ERBIN: variants seen among roughly 807,000 people sequenced by gnomAD.
The protein encoded by ERBIN is erbb2 interacting protein.
A neutral mutation model predicts 158.4 loss-of-function variants in ERBIN; 60 were observed. That is an observed-to-expected ratio of 0.38 (90% CI 0.31 to 0.47). The LOEUF (loss-of-function observed/expected upper bound fraction) is 0.47, where lower values mean the gene tolerates loss of function less well. Ranked by LOEUF, ERBIN falls within the 20% of genes least tolerant of loss-of-function variation. The probability of loss-of-function intolerance (pLI) is 0.99; values close to 1 mark genes in which losing one functional copy is unlikely to be tolerated. For missense variants in ERBIN, 1,610 were observed against 1,648.0 expected, an observed-to-expected ratio of 0.98 and a Z score of 0.40; for synonymous variants, 594 against 557.2, an observed-to-expected ratio of 1.07 and a Z score of -0.93.
In ERBIN at chr5:66,076,868, G is replaced by A; in HGVS notation, c.4057-7G>A. 1 of 1,596,354 alleles carries A rather than the reference G, an allele frequency of 6.3e-7. No individual in the cohort carries two copies. Among genetic ancestry groups the A allele is most frequent in the Non-Finnish European group, 8.6e-7 (1 of 1,169,204 alleles). On this transcript the variant is annotated splice_region_variant and splice_polypyrimidine_tract_variant and intron_variant, in intron 24 of 25. Coordinates refer to ENST00000284037, the MANE Select transcript of ERBIN (RefSeq NM_001253697.2). ...TTTTAGTTAAATAATTTTTTTTGTT[G>A]TTAAAGGGTATATTTGTAACAAGGG...
intron 21 of ERBIN, among the ~76,000 whole-genome samples, chr5:66,059,837 C>T (rs536290553): frequency 2.8e-4 from 42 of 152,130 alleles, no homozygotes; most frequent in Admixed American, 7.9e-4. Flanking sequence ...TGCTGGATTA[C>T]GTTTATTGAT....
At position 66,021,403 on chromosome 5, in the gene ERBIN, TCA is replaced by T; in HGVS notation, c.597+20_597+21del. 4 of 1,528,252 alleles carry T rather than the reference TCA, an allele frequency of 2.6e-6. No individual in the cohort carries two copies. Among genetic ancestry groups the T allele is most frequent in the Non-Finnish European group, 3.6e-6 (4 of 1,116,908 alleles). The allele number at this position is 1,528,252 out of a possible 1,614,324, so 94.7% of individuals were successfully genotyped here. A position where few individuals can be genotyped will look rare whatever the true frequency, so the allele number is the denominator to read the frequency against. On this transcript the variant is annotated intron_variant, in intron 8 of 25. Transcript: ENST00000284037. The stretch of plus-strand genomic sequence containing the variant: ...CGGAAGTGGTAAGTTCTCATCAGTC[TCA>T]CTTTCCCTAAGTTCTTATATTTAAT...
intron 4 of ERBIN, among the ~76,000 whole-genome samples, chr5:66,005,661 G>T (rs1753507347): frequency 6.6e-6 from 1 of 152,178 alleles, no homozygotes. Flanking sequence ...CATCGTCTCA[G>T]CCCAAAATCT....
At chr5:65,959,666 G>C (rs1747696485) in intron 1 of ERBIN, among the ~76,000 whole-genome samples, 1 of 152,046 alleles carries the variant, frequency 6.6e-6, no homozygotes, top group Admixed American at 6.6e-5. Flanking sequence ...AATTCATCTG[G>C]TTCTCAAATC....
chr5:65,941,941 C>T (rs1237184199), intron 1 of ERBIN, among the ~76,000 whole-genome samples: 1 of 152,126 alleles, frequency 6.6e-6, no homozygotes, highest in Non-Finnish European at 1.5e-5. Context: ...GGGGTTTCAC[C>T]ATGTTAGCCA....
At chr5:66,055,025 T>C (rs1405092336) in intron 21 of ERBIN, 74 bp downstream of exon 21, 162 of 1,448,954 alleles carry the variant, frequency 1.1e-4, no homozygotes, top group Non-Finnish European at 1.3e-4. Flanking sequence ...GAAACAAGAT[T>C]CTCTGAATTA....
chr5:65,957,205 T>A (rs56303653), intron 1 of ERBIN, among the ~76,000 whole-genome samples: 1,708 of 151,454 alleles, frequency 0.011, 35 homozygotes, highest in African/African-American at 0.038. Flanking sequence ...ATTTTTTTTT[T>A]AAATTTTTAT....
chr5:65,988,081 AGC>A (rs541167406), intron 1 of ERBIN, among the ~76,000 whole-genome samples: 70 of 152,328 alleles, frequency 4.6e-4, no homozygotes, highest in African/African-American at 1.6e-3. Context: ...CTATAAAGAT[AGC>A]CATTTGGCTG....
chr5:65,995,973 A>T (rs946310645), intron 4 of ERBIN, among the ~76,000 whole-genome samples: 1 of 151,982 alleles, frequency 6.6e-6, no homozygotes, highest in South Asian at 2.1e-4. Context: ...TTTTCTTGTT[A>T]TTGAGGTTTT....
chr5:65,996,944 T>TA (rs1384451827), intron 4 of ERBIN, among the ~76,000 whole-genome samples: 1 of 152,200 alleles, frequency 6.6e-6, no homozygotes, highest in East Asian at 1.9e-4. Flanking sequence ...TGTTAATATG[T>TA]AAAAATGCTA....
intron 10 of ERBIN, 105 bp from the exon 11 acceptor site, chr5:66,025,375 A>G: frequency 2.4e-6 from 2 of 829,316 alleles, no homozygotes; most frequent in Non-Finnish European, 4.1e-6. Flanking sequence ...TTGTTAGGAA[A>G]GTTGTTTCTA....
At chr5:65,944,416 G>T (rs77724925) in intron 1 of ERBIN, among the ~76,000 whole-genome samples, 6,395 of 151,520 alleles carry the variant, frequency 0.042, 457 homozygotes, top group African/African-American at 0.15. Flanking sequence ...TTTGTTTTTT[G>T]TTTTGAGGCA....
intron 15 of ERBIN, among the ~76,000 whole-genome samples, chr5:66,038,846 G>A (rs1757659045): frequency 6.6e-6 from 1 of 151,998 alleles, no homozygotes; most frequent in South Asian, 2.1e-4. Flanking sequence ...TCTACACACT[G>A]GATCAGGATA....
intron 1 of ERBIN, among the ~76,000 whole-genome samples, chr5:65,966,324 A>G (rs1223730680): frequency 1.3e-5 from 2 of 152,192 alleles, no homozygotes; most frequent in East Asian, 1.9e-4. Context: ...ACAGTAAACA[A>G]CTGTTACTGG....
chr5:65,947,567 A>G (rs1027757139), intron 1 of ERBIN, among the ~76,000 whole-genome samples: 1 of 152,224 alleles, frequency 6.6e-6, no homozygotes, highest in Non-Finnish European at 1.5e-5. Flanking sequence ...GAAGTGAAGA[A>G]ATACATTACT....
At position 65,969,282 on chromosome 5, in the gene ERBIN, T is replaced by G. The variant is rs935231848; in HGVS notation, c.-57-19353T>G. 1.1e-4 allele frequency among the ~76,000 whole-genome samples: 16 copies of G among 152,232 alleles called. 1 individual carries two copies. The highest frequency in any genetic ancestry group is 3.9e-4 in the African/African-American group (16 of 41,452). ...TTTTCAAAGAAACAAGTTACTCTTA[T>G]GTATCTTCAATAGAAAGGAAAAACT... On this transcript the variant is annotated intron_variant, in intron 1 of 25. Coordinates refer to ENST00000284037, the MANE Select transcript of ERBIN (RefSeq NM_001253697.2).
intron 1 of ERBIN, among the ~76,000 whole-genome samples, chr5:65,978,924 A>G (rs576490775): frequency 2.6e-4 from 39 of 152,256 alleles, no homozygotes; most frequent in Non-Finnish European, 4.4e-4. Context: ...TGGAACTGCA[A>G]CCCAAGCTTC....
rs572403777 is a variant in ERBIN at position 65,967,620 on chromosome 5, A to C, written c.-57-21015A>C. Among the ~76,000 whole-genome samples the C allele has an allele frequency of 1.2e-4, 19 of 152,334 alleles. 2 individuals are homozygous for C. The South Asian group carries it at 3.9e-3, about 32-fold the overall frequency. ...TAAGTAGACTCTGTGATGTTTGTACAATGATGAAATTGCCAAACAGTGCAT... is the reference window on the plus strand; with the variant it reads ...TAAGTAGACTCTGTGATGTTTGTACCATGATGAAATTGCCAAACAGTGCAT... On this transcript the variant is annotated intron_variant, in intron 1 of 25. Transcript: ENST00000284037.
At chr5:65,938,753 A>G (rs983367448) in intron 1 of ERBIN, among the ~76,000 whole-genome samples, 2 of 152,036 alleles carry the variant, frequency 1.3e-5, no homozygotes, top group African/African-American at 2.4e-5. Flanking sequence ...GGGTTTCACC[A>G]TATTGGCCAG....
Sources: allele counts gnomAD v4.1 joint callset (sites outside exome capture counted in the v4.1 genomes callset), GRCh38; gene constraint gnomAD v4.1.1; transcripts MANE v1.5; gene names NCBI Gene and HGNC (gene_info 2026-07-23, HGNC 2026-07-21).